The following DDX11 variants were observed in gnomAD, a reference collection of about 807,000 sequenced individuals.
DDX11 encodes the protein ATP-dependent DNA helicase DDX11.
A neutral mutation model predicts 125.2 loss-of-function variants in DDX11; 72 were observed. The ratio of observed to expected loss-of-function variants is 0.58; its 90% CI spans 0.48 to 0.70. The LOEUF is 0.70. Among genes scored for constraint, DDX11 ranks in the 30% least tolerant of loss-of-function variants. DDX11 has a pLI of 0.00. For missense variants in DDX11, 883 were observed against 1,165.0 expected (o/e 0.76, Z 3.52); for synonymous variants, 347 against 452.6 (o/e 0.77, Z 2.96).
intron 2 of DDX11, among the ~76,000 whole-genome samples, chr12:31,079,203 TTC>T (rs1267219436): frequency 1.3e-5 from 2 of 152,068 alleles, no homozygotes; most frequent in African/African-American, 4.8e-5. Context: ...TGTCTTAATA[TTC>T]TGTTTTTTCT....
Position 31,089,921 on chromosome 12 carries a change from A to T in DDX11, c.916A>T (p.Arg306Trp). The stretch of plus-strand genomic sequence containing the variant: ...AGGAGCTGAGGAGGAGAAGCCAAAG[A>T]GGAGGAGGCAGGAGAAGCAGGCAGC... ...KKGAEEEKPK[R>W]RRQEKQAACP... The change falls in exon 9 of 27, where the codon AGG becomes TGG. Residue 306 changes from arginine (R) to tryptophan (W), a missense_variant. Coordinates refer to ENST00000542838, the MANE Select transcript of DDX11 (RefSeq NM_030653.4). The T allele has an allele frequency of 6.2e-7, 1 of 1,605,402 alleles. No homozygotes were observed. The highest frequency in any genetic ancestry group is 8.5e-7 in the Non-Finnish European group (1 of 1,177,234).
In DDX11 at chr12:31,097,937, CT is replaced by C; in HGVS notation, c.1818del (p.Phe606LeufsTer5). 1 of 1,613,918 alleles carries C rather than the reference CT, an allele frequency of 6.2e-7. No homozygotes were observed. Among genetic ancestry groups the C allele is most frequent in the Non-Finnish European group, 8.5e-7 (1 of 1,179,920 alleles). On this transcript the variant is annotated frameshift_variant, in exon 18 of 27. Coordinates refer to ENST00000542838, the MANE Select transcript of DDX11 (RefSeq NM_030653.4). LOFTEE classifies it high-confidence loss of function. The stretch of plus-strand genomic sequence containing the variant: ...TTTTGCTCCTGAATCCAGCTGTGCA[CT>C]TTGCCCAAGTGGTGAAGGAATGCCG... Reference protein sequence around the residue: ...KFLLLNPAVHFAQVVKECRAV... With the variant: ...KFLLLNPAVHXAQVVKECRAV...
intron 16 of DDX11, 29 bp downstream of exon 16, chr12:31,096,774 C>T (rs71455622): frequency 0.095 from 152,696 of 1,614,084 alleles, 8,008 homozygotes; most frequent in Middle Eastern, 0.11. Context: ...CAGGCAGAGC[C>T]GGCTGCACGC....
intron 2 of DDX11, among the ~76,000 whole-genome samples, chr12:31,082,482 C>T (rs1942146812): frequency 6.6e-6 from 1 of 152,220 alleles, no homozygotes; most frequent in Middle Eastern, 3.4e-3. Flanking sequence ...GAGTTTGAGA[C>T]TCTGACTCCT....
chr12:31,092,996 G>C, intron 11 of DDX11, 104 bp downstream of exon 11: 1 of 1,365,160 alleles, frequency 7.3e-7, no homozygotes, highest in Non-Finnish European at 1.0e-6. Flanking sequence ...GGCCCGGGCT[G>C]TGGCGGGGTG....
At position 31,091,964 on chromosome 12, in the gene DDX11, G is replaced by T. The variant is rs564035502; in HGVS notation, c.1242+93G>T. On this transcript the variant is annotated intron_variant, in intron 10 of 26. Transcript: ENST00000542838. ...GACACCTGGGCCAAGAGTTCCTCCG[G>T]AGGTGGGGCTTGATAGAGGGTGCAC... 2.1e-5 allele frequency: 33 copies of T among 1,568,630 alleles called. 2 individuals are homozygous for T. The African/African-American group carries it at 2.6e-4, about 12-fold the overall frequency.
intron 12 of DDX11, 44 bp from the exon 13 acceptor site, chr12:31,094,546 T>G (rs12816960): frequency 0.34 from 385,708 of 1,119,690 alleles, 109,970 homozygotes; most frequent in East Asian, 0.84. Flanking sequence ...GGGTTGGGGG[T>G]CCTGAGAACC....
At chr12:31,102,053 C>G in intron 21 of DDX11, 71 bp downstream of exon 21, 1 of 1,582,106 alleles carries the variant, frequency 6.3e-7, no homozygotes, top group Non-Finnish European at 8.6e-7. Flanking sequence ...AGCTCTCGTG[C>G]TCATCGGGTC....
chr12:31,091,893 G>C (rs185115376), intron 10 of DDX11, 22 bp downstream of exon 10: 1 of 1,613,712 alleles, frequency 6.2e-7, no homozygotes, highest in East Asian at 2.2e-5. Context: ...TCCCCTCCCC[G>C]GGCCAGGGCC....
At chr12:31,087,696 G>C (rs1427772617) in intron 5 of DDX11, 15 of 631,198 alleles carry the variant, frequency 2.4e-5, no homozygotes, top group Non-Finnish European at 1.7e-5. Context: ...CTCAAGACTT[G>C]GGTTGGGGGT....
intron 17 of DDX11, among the ~76,000 whole-genome samples, chr12:31,097,450 G>A (rs530389703): frequency 3.3e-5 from 5 of 150,558 alleles, no homozygotes; most frequent in Admixed American, 2.6e-4. Context: ...GAGGCTGAGG[G>A]GGGGCGGATC....
At chr12:31,102,373 T>C (rs1356133658) in intron 22 of DDX11, 54 bp from the exon 23 acceptor site, 6 of 1,609,272 alleles carry the variant, frequency 3.7e-6, no homozygotes, top group Admixed American at 1.7e-5. Flanking sequence ...GGAAACGTTG[T>C]GGGTGTCATC....
chr12:31,087,990 C>A lies in DDX11; in HGVS notation c.684+7C>A, dbSNP rs763110455. The stretch of plus-strand genomic sequence containing the variant: ...GGAAGAACACATAACTAAGGTAACA[C>A]AAGTGTCCTCAGCTGGTGCTGTGCT... On this transcript the variant is annotated splice_region_variant and intron_variant, in intron 6 of 26. Transcript: ENST00000542838. 6.8e-6 allele frequency: 11 copies of A among 1,607,928 alleles called. No homozygotes were observed. Among genetic ancestry groups the A allele is most frequent in the Non-Finnish European group, 9.3e-6 (11 of 1,177,572 alleles).
intron 2 of DDX11, among the ~76,000 whole-genome samples, chr12:31,082,601 C>G (rs1942185531): frequency 6.6e-6 from 1 of 152,022 alleles, no homozygotes; most frequent in African/African-American, 2.4e-5. Flanking sequence ...CTGCCTGGAG[C>G]AGAAGGCATG....
At chr12:31,075,804 G>A (rs4931423) in intron 1 of DDX11, among the ~76,000 whole-genome samples, 80,976 of 152,096 alleles carry the variant, frequency 0.53, 22,679 homozygotes, top group East Asian at 0.82. Context: ...TTTATGGAAC[G>A]TATATTCCAG....
chr12:31,099,084 C>CTTTTTTTT (rs763612105), intron 18 of DDX11, among the ~76,000 whole-genome samples: 89 of 63,682 alleles, frequency 1.4e-3, no homozygotes, highest in African/African-American at 4.3e-3. Flanking sequence ...TTCTTTCTTT[C>CTTTTTTTT]TTTTTTTTTT....
At chr12:31,088,408 G>A (rs1330763267) in intron 6 of DDX11, among the ~76,000 whole-genome samples, 1 of 152,064 alleles carries the variant, frequency 6.6e-6, no homozygotes, top group Non-Finnish European at 1.5e-5. Flanking sequence ...CCTGCTGGGT[G>A]GTACGGGTAG....
intron 9 of DDX11, among the ~76,000 whole-genome samples, chr12:31,090,678 C>G (rs1025175553): frequency 2.0e-5 from 3 of 152,264 alleles, no homozygotes; most frequent in Admixed American, 6.5e-5. Context: ...TGCAGTTTCA[C>G]TATTTCCTTG....
intron 2 of DDX11, among the ~76,000 whole-genome samples, chr12:31,081,429 A>C (rs1219583551): frequency 6.6e-6 from 1 of 152,100 alleles, no homozygotes; most frequent in Non-Finnish European, 1.5e-5. Flanking sequence ...TTTATCCTTG[A>C]TAGTCACCTT....
Sources: allele counts gnomAD v4.1 joint callset (sites outside exome capture counted in the v4.1 genomes callset), GRCh38; gene constraint gnomAD v4.1.1; transcripts MANE v1.5; gene names NCBI Gene and HGNC (gene_info 2026-07-23, HGNC 2026-07-21).